Variants in ADAM12 observed in about 807,000 individuals in gnomAD.
The protein encoded by ADAM12 is disintegrin and metalloproteinase domain-containing protein 12.
Under a neutral mutation model 106.4 loss-of-function variants are expected in ADAM12, and 70 were observed. The ratio of observed to expected loss-of-function variants is 0.66; its 90% CI spans 0.54 to 0.80. The LOEUF (loss-of-function observed/expected upper bound fraction) is 0.80, where lower values mean the gene tolerates loss of function less well. ADAM12 is among the 30% of genes least tolerant of loss of function. The pLI is 0.00. For missense variants in ADAM12, 1,010 were observed against 1,171.9 expected, an observed-to-expected ratio of 0.86 and a Z score of 2.02; for synonymous variants, 420 against 433.5, an observed-to-expected ratio of 0.97 and a Z score of 0.39.
chr10:126,375,413 A>C (rs1286452522), intron 1 of ADAM12, among the ~76,000 whole-genome samples: 1 of 152,118 alleles, frequency 6.6e-6, no homozygotes, highest in Non-Finnish European at 1.5e-5. Flanking sequence ...GGCAGAACTA[A>C]AATTCTAGAC....
intron 2 of ADAM12, among the ~76,000 whole-genome samples, chr10:126,286,954 G>A (rs1339168567): frequency 6.6e-6 from 1 of 152,148 alleles, no homozygotes; most frequent in African/African-American, 2.4e-5. Flanking sequence ...TTCTCACTGT[G>A]TTTCTGCAGC....
chr10:126,355,761 G>A (rs1470254974), intron 1 of ADAM12, among the ~76,000 whole-genome samples: 1 of 152,218 alleles, frequency 6.6e-6, no homozygotes, highest in Admixed American at 6.5e-5. Flanking sequence ...GGCGAGACCA[G>A]CTGGAGTCAG....
intron 3 of ADAM12, among the ~76,000 whole-genome samples, chr10:126,208,860 T>TG (rs1241253028): frequency 6.6e-5 from 10 of 151,670 alleles, no homozygotes. Flanking sequence ...AAGTTTTTTT[T>TG]TTTTTTTCCT....
intron 2 of ADAM12, among the ~76,000 whole-genome samples, chr10:126,298,367 G>A (rs555865666): frequency 6.6e-6 from 1 of 152,270 alleles, no homozygotes; most frequent in African/African-American, 2.4e-5. Flanking sequence ...AGAGCCACAT[G>A]GAAATTCTAA....
chr10:126,180,040 C>T (rs998342231), intron 3 of ADAM12, among the ~76,000 whole-genome samples: 1 of 152,178 alleles, frequency 6.6e-6, no homozygotes, highest in Non-Finnish European at 1.5e-5. Flanking sequence ...AAGGTCCATA[C>T]AATACCCATC....
chr10:126,275,307 A>T (rs1377081620), intron 3 of ADAM12, among the ~76,000 whole-genome samples: 1 of 152,208 alleles, frequency 6.6e-6, no homozygotes, highest in Non-Finnish European at 1.5e-5. Context: ...AGAAGTATGA[A>T]AGTTATCAAC....
intron 1 of ADAM12, among the ~76,000 whole-genome samples, chr10:126,356,783 G>C (rs1302032024): frequency 6.7e-6 from 1 of 148,982 alleles, no homozygotes; most frequent in Non-Finnish European, 1.5e-5. Flanking sequence ...TGAAGAAACA[G>C]AAACAATCAA....
chr10:126,091,147 G>GA (rs34101122), intron 11 of ADAM12, among the ~76,000 whole-genome samples: 1 of 152,010 alleles, frequency 6.6e-6, no homozygotes, highest in East Asian at 1.9e-4. Context: ...TAGGAATTCT[G>GA]AAAAAAGCCT....
chr10:126,041,460 G>A (rs761829019), intron 18 of ADAM12: 257 of 985,430 alleles, frequency 2.6e-4, no homozygotes, highest in Non-Finnish European at 3.1e-4. Context: ...GTGACTCTGT[G>A]GGTTCCCTGG....
intron 3 of ADAM12, among the ~76,000 whole-genome samples, chr10:126,236,038 C>G (rs148781251): frequency 6.6e-6 from 1 of 152,148 alleles, no homozygotes; most frequent in African/African-American, 2.4e-5. Flanking sequence ...CTTGGGCAGG[C>G]GCTGAGGCTC....
chr10:126,042,724 T>G (rs548681600), intron 18 of ADAM12, among the ~76,000 whole-genome samples: 6 of 152,342 alleles, frequency 3.9e-5, no homozygotes, highest in South Asian at 2.1e-4. Context: ...TACAAAGTAC[T>G]TTGATACAGT....
At chr10:126,265,716 T>C (rs1042692674) in intron 3 of ADAM12, among the ~76,000 whole-genome samples, 2 of 152,162 alleles carry the variant, frequency 1.3e-5, no homozygotes, top group Non-Finnish European at 2.9e-5. Flanking sequence ...TGTGGAAAAT[T>C]CTACTGAGTA....
At chr10:126,056,356 A>T (rs1954630914) in intron 14 of ADAM12, among the ~76,000 whole-genome samples, 1 of 152,220 alleles carries the variant, frequency 6.6e-6, no homozygotes, top group Admixed American at 6.5e-5. Context: ...TTCATCAGCC[A>T]TGTAAACACG....
At chr10:126,211,733 C>T (rs947716803) in intron 3 of ADAM12, among the ~76,000 whole-genome samples, 2 of 151,990 alleles carry the variant, frequency 1.3e-5, no homozygotes, top group African/African-American at 2.4e-5. Flanking sequence ...ATGCTGAATC[C>T]GCAAATAGTC....
intron 18 of ADAM12, among the ~76,000 whole-genome samples, chr10:126,040,794 A>G (rs1246056634): frequency 6.6e-6 from 1 of 152,082 alleles, no homozygotes; most frequent in Non-Finnish European, 1.5e-5. Context: ...CAATACATCA[A>G]TCTATGAAAC....
intron 2 of ADAM12, among the ~76,000 whole-genome samples, chr10:126,314,715 G>T (rs956304363): frequency 6.6e-6 from 1 of 152,150 alleles, no homozygotes; most frequent in Non-Finnish European, 1.5e-5. Flanking sequence ...CTTCAGAATT[G>T]AAGTCAAGCC....
At chr10:126,226,301 G>A (rs564983868) in intron 3 of ADAM12, among the ~76,000 whole-genome samples, 79 of 152,314 alleles carry the variant, frequency 5.2e-4, no homozygotes, top group African/African-American at 1.8e-3. Context: ...AAGAATGCAC[G>A]AGTTCAGGAG....
intron 14 of ADAM12, among the ~76,000 whole-genome samples, chr10:126,056,168 C>A (rs1954626512): frequency 2.0e-5 from 3 of 152,164 alleles, no homozygotes; most frequent in Admixed American, 1.3e-4. Flanking sequence ...TAACGGTCAC[C>A]TTCTAAGAGT....
At chr10:126,071,751 G>T (rs1298454000) in intron 11 of ADAM12, 97 bp from the exon 12 acceptor site, 4 of 1,349,928 alleles carry the variant, frequency 3.0e-6, no homozygotes, top group East Asian at 4.7e-5. Context: ...GGCCACATCT[G>T]CCCAGGTGTT....
Sources: allele counts gnomAD v4.1 joint callset (sites outside exome capture counted in the v4.1 genomes callset), GRCh38; gene constraint gnomAD v4.1.1; transcripts MANE v1.5; gene names NCBI Gene and HGNC (gene_info 2026-07-23, HGNC 2026-07-21).